WWOX: variants seen among roughly 807,000 people sequenced by gnomAD.
WWOX encodes WW domain containing oxidoreductase, also known as WW domain-containing oxidoreductase.
In WWOX, 69 loss-of-function variants were observed where a neutral mutation model predicts 46.2. The ratio of observed to expected loss-of-function variants is 1.49; its 90% CI spans 1.23 to 1.82. WWOX has a LOEUF of 1.82. Ranked by LOEUF, WWOX falls within the 40% of genes most tolerant of loss-of-function variation. WWOX has a pLI of 0.00. For synonymous variants in WWOX, 359 were observed against 202.6 expected, an observed-to-expected ratio of 1.77 and a Z score of -6.56; for missense variants, 919 against 542.6, an observed-to-expected ratio of 1.69 and a Z score of -6.89.
intron 5 of WWOX, among the ~76,000 whole-genome samples, chr16:78,185,701 C>G (rs765409859): frequency 1.3e-5 from 2 of 152,120 alleles, no homozygotes; most frequent in African/African-American, 4.8e-5. Flanking sequence ...GAGTCTCGCT[C>G]TGTTACCCAG....
At chr16:78,720,826 T>C (rs955477684) in intron 8 of WWOX, among the ~76,000 whole-genome samples, 8 of 152,138 alleles carry the variant, frequency 5.3e-5, no homozygotes, top group African/African-American at 1.9e-4. Flanking sequence ...CATTAGATAC[T>C]TTCTTGGGGA....
chr16:78,269,774 C>G (rs1312135141), intron 5 of WWOX, among the ~76,000 whole-genome samples: 1 of 152,188 alleles, frequency 6.6e-6, no homozygotes, highest in Non-Finnish European at 1.5e-5. Context: ...TTCATAAATA[C>G]TTTCCGAGGC....
chr16:79,043,864 G>A (rs1267266694), intron 8 of WWOX, among the ~76,000 whole-genome samples: 1 of 152,208 alleles, frequency 6.6e-6, no homozygotes, highest in African/African-American at 2.4e-5. Flanking sequence ...TGGAAGTGGA[G>A]TACCTCTGGC....
intron 8 of WWOX, among the ~76,000 whole-genome samples, chr16:78,905,877 C>G (rs1291937990): frequency 6.6e-6 from 1 of 152,172 alleles, no homozygotes; most frequent in Non-Finnish European, 1.5e-5. Flanking sequence ...AAACGTGGCC[C>G]AAAGTCATTA....
intron 8 of WWOX, among the ~76,000 whole-genome samples, chr16:78,651,215 C>G (rs1470971192): frequency 6.6e-6 from 1 of 152,262 alleles, no homozygotes; most frequent in Non-Finnish European, 1.5e-5. Flanking sequence ...TTAATCTGCC[C>G]TCTTTCACGT....
chr16:78,772,014 G>C (rs1409639515), intron 8 of WWOX, among the ~76,000 whole-genome samples: 1 of 152,138 alleles, frequency 6.6e-6, no homozygotes, highest in Non-Finnish European at 1.5e-5. Flanking sequence ...TGTTCTTACT[G>C]GAAATGTTAA....
chr16:79,147,026 G>T (rs7191404), intron 8 of WWOX, among the ~76,000 whole-genome samples: 1 of 151,910 alleles, frequency 6.6e-6, no homozygotes, highest in Non-Finnish European at 1.5e-5. Context: ...CAAAACAATT[G>T]TGCAATATCA....
chr16:78,111,117 C>T (rs1341201614), intron 3 of WWOX, among the ~76,000 whole-genome samples: 1 of 152,032 alleles, frequency 6.6e-6, no homozygotes, highest in Non-Finnish European at 1.5e-5. Flanking sequence ...AGTCCACTTG[C>T]ATGGATCCAG....
chr16:78,288,023 C>T (rs1028062749), intron 5 of WWOX, among the ~76,000 whole-genome samples: 3 of 152,024 alleles, frequency 2.0e-5, no homozygotes, highest in African/African-American at 7.2e-5. Flanking sequence ...CCTAAGATTC[C>T]CTAACATTTT....
intron 8 of WWOX, among the ~76,000 whole-genome samples, chr16:78,504,107 G>T (rs905580914): frequency 5.3e-5 from 8 of 152,118 alleles, no homozygotes; most frequent in African/African-American, 1.9e-4. Context: ...CTCCTATTAA[G>T]TTTTAATGAC....
At chr16:79,133,077 C>G (rs1481119478) in intron 8 of WWOX, among the ~76,000 whole-genome samples, 3 of 152,168 alleles carry the variant, frequency 2.0e-5, no homozygotes, top group African/African-American at 7.2e-5. Context: ...ATGCAAGTGA[C>G]CTTTCTAGGG....
At chr16:78,944,232 T>A (rs1053340438) in intron 8 of WWOX, among the ~76,000 whole-genome samples, 2 of 152,142 alleles carry the variant, frequency 1.3e-5, no homozygotes, top group Non-Finnish European at 2.9e-5. Flanking sequence ...CCTTTCCAGA[T>A]AAAAGTTGAC....
chr16:78,637,229 C>G (rs1196912997), intron 8 of WWOX, among the ~76,000 whole-genome samples: 1 of 152,114 alleles, frequency 6.6e-6, no homozygotes, highest in Non-Finnish European at 1.5e-5. Context: ...TGAGACCAGC[C>G]TGGGCAACAT....
At chr16:78,414,720 C>A (rs1409453074) in intron 6 of WWOX, among the ~76,000 whole-genome samples, 2 of 152,198 alleles carry the variant, frequency 1.3e-5, no homozygotes, top group Non-Finnish European at 2.9e-5. Flanking sequence ...AAAACTCAAG[C>A]CCCTCTCATC....
intron 4 of WWOX, among the ~76,000 whole-genome samples, chr16:78,144,518 T>TACACACACACACACAC (rs2034129413): frequency 1.1e-4 from 4 of 36,628 alleles, no homozygotes; most frequent in Non-Finnish European, 2.0e-4. Context: ...TATATATATA[T>TACACACACACACACAC]ATATATTTTT....
intron 8 of WWOX, among the ~76,000 whole-genome samples, chr16:78,773,664 T>C (rs936062841): frequency 6.6e-6 from 1 of 152,188 alleles, no homozygotes; most frequent in African/African-American, 2.4e-5. Context: ...GGATAGTGTT[T>C]ATTAAAAACG....
intron 8 of WWOX, among the ~76,000 whole-genome samples, chr16:78,887,947 C>G (rs2044502501): frequency 1.3e-5 from 2 of 152,212 alleles, no homozygotes; most frequent in Admixed American, 6.5e-5. Context: ...TTAGAAAGCT[C>G]ACTCTGACAA....
At chr16:78,959,746 A>G (rs368592412) in intron 8 of WWOX, among the ~76,000 whole-genome samples, 3 of 152,260 alleles carry the variant, frequency 2.0e-5, no homozygotes, top group African/African-American at 7.2e-5. Context: ...TTCCATGACC[A>G]AATGCCCATA....
chr16:78,208,899 T>TTTTATTTA (rs925835458), intron 5 of WWOX, among the ~76,000 whole-genome samples: 10 of 152,306 alleles, frequency 6.6e-5, no homozygotes, highest in Non-Finnish European at 1.2e-4. Context: ...TCTTACAGCT[T>TTTTATTTA]TTTATTTATT....
Sources: allele counts gnomAD v4.1 joint callset (sites outside exome capture counted in the v4.1 genomes callset), GRCh38; gene constraint gnomAD v4.1.1; transcripts MANE v1.5; gene names NCBI Gene and HGNC (gene_info 2026-07-23, HGNC 2026-07-21).